Variants in TRIM33 observed in about 807,000 individuals in gnomAD.
The protein encoded by TRIM33 is tripartite motif containing 33, also known as E3 ubiquitin-protein ligase TRIM33.
Under a neutral mutation model 125.4 loss-of-function variants are expected in TRIM33, and 20 were observed. The ratio of observed to expected loss-of-function variants is 0.16; its 90% CI spans 0.11 to 0.23. The LOEUF is 0.23. TRIM33 is among the 10% of genes least tolerant of loss of function. The probability of loss-of-function intolerance (pLI) is 1.00; values close to 1 mark genes in which losing one functional copy is unlikely to be tolerated. For synonymous variants in TRIM33, 564 were observed against 513.9 expected (o/e 1.10, Z -1.32); for missense variants, 920 against 1,411.4 (o/e 0.65, Z 5.58).
intron 4 of TRIM33, among the ~76,000 whole-genome samples, chr1:114,445,652 T>C (rs1042921143): frequency 2.0e-5 from 3 of 151,704 alleles, no homozygotes; most frequent in Non-Finnish European, 4.4e-5. Flanking sequence ...AACTCCATGG[T>C]CAAAAGGGAA....
intron 4 of TRIM33, among the ~76,000 whole-genome samples, chr1:114,443,197 C>T (rs145889537): frequency 0.027 from 4,099 of 151,736 alleles, 88 homozygotes; most frequent in Non-Finnish European, 0.043. Flanking sequence ...GCCTGGCCAA[C>T]ATAGTGAAAC....
In TRIM33 at chr1:114,405,571, G is replaced by C; in HGVS notation, c.2607C>G (p.His869Gln). The change falls in exon 15 of 20, where the codon CAC (histidine) becomes CAG (glutamine). Residue 869 changes from histidine (H) to glutamine (Q), a missense_variant. His to Gln is a conservative substitution (Grantham distance 24). Around this residue, in one of 8 missense-constraint regions of TRIM33, gnomAD observed 407 missense variants for 589.7 expected, o/e 0.69. Transcript: ENST00000358465. ...NGKSPIRSLM[H>Q]RSARIGGDGN... ...CATCTCCTCCAATCCTTGCCGACCT[G>C]TGCATGAGGCTTCGAATTGGGGACT... 6.2e-7 allele frequency: 1 copy of C among 1,614,232 alleles called. No homozygotes were observed. The highest frequency in any genetic ancestry group is 8.5e-7 in the Non-Finnish European group (1 of 1,180,040).
chr1:114,403,012 G>A (rs73005347), intron 15 of TRIM33, 129 bp from the exon 16 acceptor site: 53,401 of 895,872 alleles, frequency 0.06, 1,759 homozygotes, highest in Middle Eastern at 0.086. Context: ...TTTTATAGTT[G>A]TGAAATCTCG....
intron 11 of TRIM33, among the ~76,000 whole-genome samples, chr1:114,414,055 A>ACACG (rs1652776471): frequency 6.6e-6 from 1 of 151,340 alleles, no homozygotes; most frequent in Non-Finnish European, 1.5e-5. Context: ...ACACACACAC[A>ACACG]CACACACACA....
In TRIM33 at chr1:114,393,639, C is replaced by T. The variant is rs775957796; in HGVS notation, c.*4009G>A. 2 of 213,722 alleles carry T rather than the reference C, an allele frequency of 9.4e-6. No homozygotes were observed. Among genetic ancestry groups the T allele is most frequent in the African/African-American group, 4.5e-5 (2 of 44,204 alleles). 13.2% of individuals were successfully genotyped at this position (213,722 alleles called of 1,614,324 possible). On this transcript the variant is annotated 3_prime_UTR_variant, in exon 20 of 20. Transcript: ENST00000358465. The stretch of plus-strand genomic sequence containing the variant: ...ACAAGGAACTAAGATGAAAGAAATG[C>T]TATACATGCATTTTGACCAAGTAAA...
chr1:114,482,564 C>T (rs763532298), intron 1 of TRIM33, among the ~76,000 whole-genome samples: 6 of 152,166 alleles, frequency 3.9e-5, no homozygotes, highest in Non-Finnish European at 8.8e-5. Context: ...AAATATAAGA[C>T]TTAACAAGAG....
chr1:114,419,095 G>A (rs1297300950), intron 11 of TRIM33, among the ~76,000 whole-genome samples: 1 of 151,570 alleles, frequency 6.6e-6, no homozygotes, highest in Non-Finnish European at 1.5e-5. Flanking sequence ...CAGCTACTTG[G>A]GAGGCTGAGG....
At chr1:114,439,584 T>C (rs745801407) in intron 4 of TRIM33, among the ~76,000 whole-genome samples, 6 of 144,902 alleles carry the variant, frequency 4.1e-5, no homozygotes, top group Non-Finnish European at 9.0e-5. Flanking sequence ...CATTAATACA[T>C]GTATAATTGG....
chr1:114,441,546 C>T (rs183486188), intron 4 of TRIM33, among the ~76,000 whole-genome samples: 171 of 152,144 alleles, frequency 1.1e-3, no homozygotes, highest in Non-Finnish European at 1.5e-3. Flanking sequence ...GTGATGACAA[C>T]GTACAATTAT....
intron 1 of TRIM33, among the ~76,000 whole-genome samples, chr1:114,464,762 T>C (rs1353427018): frequency 6.6e-6 from 1 of 152,132 alleles, no homozygotes; most frequent in Non-Finnish European, 1.5e-5. Context: ...CTAAACGTGA[T>C]CAAGTGACCT....
At chr1:114,489,406 C>T (rs1341032761) in intron 1 of TRIM33, among the ~76,000 whole-genome samples, 3 of 152,046 alleles carry the variant, frequency 2.0e-5, no homozygotes, top group African/African-American at 4.8e-5. Flanking sequence ...AGATATGGTG[C>T]GAAAAACAAA....
chr1:114,489,948 T>C (rs767438608), intron 1 of TRIM33, among the ~76,000 whole-genome samples: 16 of 150,978 alleles, frequency 1.1e-4, no homozygotes, highest in Non-Finnish European at 2.4e-4. Flanking sequence ...CTAAATCAGA[T>C]ATAAGGGTGC....
rs79114482 is a variant in TRIM33 at position 114,396,268 on chromosome 1, G to A, written c.*1380C>T. On this transcript the variant is annotated 3_prime_UTR_variant, in exon 20 of 20. Coordinates refer to ENST00000358465, the MANE Select transcript of TRIM33 (RefSeq NM_015906.4). ...TGAACCAGAGCCAAGTTGGTTTATC[G>A]GCCTCGGGTGCTGTAATTGGGGTGG... 4.9e-3 allele frequency: 1,000 copies of A among 203,876 alleles called. 8 individuals are homozygous for A. Among genetic ancestry groups the A allele is most frequent in the African/African-American group, 0.021 (909 of 43,774 alleles). 12.6% of individuals were successfully genotyped at this position (203,876 alleles called of 1,614,324 possible).
intron 11 of TRIM33, among the ~76,000 whole-genome samples, chr1:114,415,532 A>T (rs545704117): frequency 6.6e-6 from 1 of 151,996 alleles, no homozygotes; most frequent in African/African-American, 2.4e-5. Flanking sequence ...ATTTAAGATT[A>T]TCTCATATAA....
At chr1:114,413,468 G>A (rs1652713830) in intron 11 of TRIM33, among the ~76,000 whole-genome samples, 1 of 148,058 alleles carries the variant, frequency 6.8e-6, no homozygotes, top group Non-Finnish European at 1.5e-5. Context: ...TGAGACAGGA[G>A]AATCATTTGA....
chr1:114,459,337 G>T (rs999431887), intron 4 of TRIM33, among the ~76,000 whole-genome samples: 1 of 152,188 alleles, frequency 6.6e-6, no homozygotes, highest in African/African-American at 2.4e-5. Flanking sequence ...ACCTGAAAGA[G>T]CAAGGGTTGG....
At chr1:114,508,842 C>T (rs74115209) in intron 1 of TRIM33, among the ~76,000 whole-genome samples, 6,258 of 152,230 alleles carry the variant, frequency 0.041, 144 homozygotes, top group African/African-American at 0.062. Flanking sequence ...TATCTTACTT[C>T]ATTCTCTCAA....
intron 6 of TRIM33, among the ~76,000 whole-genome samples, chr1:114,430,513 A>G (rs952302755): frequency 6.6e-6 from 1 of 152,120 alleles, no homozygotes; most frequent in Non-Finnish European, 1.5e-5. Flanking sequence ...AAGTGTTGGG[A>G]TTACAGGTGT....
At chr1:114,446,014 C>T (rs1404556442) in intron 4 of TRIM33, among the ~76,000 whole-genome samples, 1 of 152,120 alleles carries the variant, frequency 6.6e-6, no homozygotes, top group Non-Finnish European at 1.5e-5. Context: ...CATGTTCCCA[C>T]GCCCAGCTAA....
Sources: gnomAD v4.1 joint callset for allele counts (sites outside exome capture counted in the v4.1 genomes callset) on GRCh38, gnomAD v4.1.1 for gene constraint, gnomAD v4.1.1 regional missense constraint, MANE v1.5 for transcripts, NCBI Gene and HGNC (gene_info 2026-07-23, HGNC 2026-07-21) for gene names.